CACNB4: variants seen among roughly 807,000 people sequenced by gnomAD.
The protein encoded by CACNB4 is voltage-dependent L-type calcium channel subunit beta-4.
A neutral mutation model predicts 71.2 loss-of-function variants in CACNB4; 32 were observed. That is an observed-to-expected ratio of 0.45 (90% CI 0.34 to 0.60). CACNB4 has a LOEUF of 0.60. Among genes scored for constraint, CACNB4 ranks in the 20% least tolerant of loss-of-function variants. The probability of loss-of-function intolerance (pLI) is 0.01; values close to 1 mark genes in which losing one functional copy is unlikely to be tolerated. For synonymous variants in CACNB4, 231 were observed against 236.9 expected (o/e 0.97, Z 0.23); for missense variants, 464 against 647.9 (o/e 0.72, Z 3.08).
At chr2:151,868,856 G>A (rs1431425865) in intron 9 of CACNB4, 2 of 158,942 alleles carry the variant, frequency 1.3e-5, no homozygotes, top group African/African-American at 4.8e-5. Flanking sequence ...CTATACTCAT[G>A]AGAAATATTA....
At chr2:151,987,271 C>A (rs4664516) in intron 2 of CACNB4, among the ~76,000 whole-genome samples, 126,130 of 152,162 alleles carry the variant, frequency 0.83, 53,373 homozygotes, top group Middle Eastern at 0.94. Flanking sequence ...AACTTCAAAA[C>A]GTAAGTCTTA....
At chr2:152,070,781 A>G (rs1361619961) in intron 2 of CACNB4, among the ~76,000 whole-genome samples, 1 of 152,152 alleles carries the variant, frequency 6.6e-6, no homozygotes, top group African/African-American at 2.4e-5. Flanking sequence ...ATGCTTTTTT[A>G]TTTTGAGGCA....
chr2:151,889,506 G>A (rs1248824244), intron 2 of CACNB4, among the ~76,000 whole-genome samples: 2 of 149,980 alleles, frequency 1.3e-5, no homozygotes, highest in Non-Finnish European at 3.0e-5. Context: ...AGTGGACTAA[G>A]CGATCATGGA....
chr2:151,902,287 T>A (rs181197683), intron 2 of CACNB4, among the ~76,000 whole-genome samples: 21 of 152,236 alleles, frequency 1.4e-4, no homozygotes, highest in African/African-American at 5.1e-4. Flanking sequence ...CCATTCAGCA[T>A]CCCAAAGTAT....
chr2:152,021,541 G>GA (rs1206877886), intron 2 of CACNB4, among the ~76,000 whole-genome samples: 3 of 152,142 alleles, frequency 2.0e-5, no homozygotes. Flanking sequence ...AAAACATGGT[G>GA]AAAAATCTCT....
At chr2:152,079,589 C>G (rs1687242591) in intron 2 of CACNB4, among the ~76,000 whole-genome samples, 1 of 151,726 alleles carries the variant, frequency 6.6e-6, no homozygotes, top group Non-Finnish European at 1.5e-5. Context: ...AGTTTGAGAC[C>G]AGCCTGGGCA....
intron 2 of CACNB4, among the ~76,000 whole-genome samples, chr2:151,966,570 C>T (rs187925779): frequency 2.6e-5 from 4 of 152,246 alleles, no homozygotes; most frequent in South Asian, 2.1e-4. Context: ...TGAGCCACTG[C>T]GCCCAGCCTC....
intron 4 of CACNB4, among the ~76,000 whole-genome samples, chr2:151,878,549 C>CCACACACACACACACACA (rs1188343035): frequency 3.5e-4 from 2 of 5,642 alleles, no homozygotes; most frequent in Non-Finnish European, 2.1e-3. Context: ...AAGACCCTGT[C>CCACACACACACACACACA]TACACACACA....
Position 151,855,378 on chromosome 2 carries a change from T to C in CACNB4, c.869-3A>G. ...TTCAATTTCACTTTGTACTTCCGCT[T>C]AAAGGAAAAATAATAAATAGATCCC... On this transcript the variant is annotated splice_region_variant and splice_polypyrimidine_tract_variant and intron_variant, in intron 10 of 13. Coordinates refer to ENST00000539935, the MANE Select transcript of CACNB4 (RefSeq NM_000726.5). 1 of 1,577,004 alleles carries C rather than the reference T, an allele frequency of 6.3e-7. No homozygotes were observed. Among genetic ancestry groups the C allele is most frequent in the Non-Finnish European group, 8.7e-7 (1 of 1,151,092 alleles).
chr2:152,099,050 G>A (rs1227343070), upstream of CACNB4: 1 of 1,431,610 alleles, frequency 7.0e-7, no homozygotes, highest in African/African-American at 1.5e-5. Context: ...TGTGCGGTGG[G>A]CGGAGGGGGC....
At chr2:152,060,085 C>T (rs918539901) in intron 2 of CACNB4, among the ~76,000 whole-genome samples, 1 of 152,214 alleles carries the variant, frequency 6.6e-6, no homozygotes, top group Admixed American at 6.5e-5. Flanking sequence ...GTCAATTAAA[C>T]CTCTTTCCTT....
chr2:151,853,448 TG>T lies in CACNB4; in HGVS notation c.1115del (p.Pro372GlnfsTer20). ...VAADKLAQCP[P>X]EMFDVILDEN... ...GAAGACAAAAAATGATCATACTTAC[TG>T]GGGGGCATTGTGCAAGTTTATCAGC... On this transcript the variant is annotated frameshift_variant and splice_region_variant, in exon 12 of 14. Coordinates refer to ENST00000539935, the MANE Select transcript of CACNB4 (RefSeq NM_000726.5). LOFTEE classifies it high-confidence loss of function. 1.3e-6 allele frequency: 2 copies of T among 1,577,642 alleles called. No individual in the cohort carries two copies. Among genetic ancestry groups the T allele is most frequent in the Non-Finnish European group, 1.7e-6 (2 of 1,158,104 alleles).
intron 2 of CACNB4, among the ~76,000 whole-genome samples, chr2:151,906,166 C>G (rs2099854763): frequency 6.6e-6 from 1 of 152,204 alleles, no homozygotes; most frequent in Admixed American, 6.5e-5. Context: ...ACAGAAATTA[C>G]TCAGTTGAAT....
chr2:152,079,761 G>A (rs1374249279), intron 2 of CACNB4, among the ~76,000 whole-genome samples: 2 of 152,022 alleles, frequency 1.3e-5, no homozygotes. Flanking sequence ...GCTCCAGCCT[G>A]GGTAACAGAG....
Position 151,853,724 on chromosome 2 carries a change from G to A in CACNB4, c.1021-181C>T, listed in dbSNP as rs1395613241. On this transcript the variant is annotated intron_variant, in intron 11 of 13. Coordinates refer to ENST00000539935, the MANE Select transcript of CACNB4 (RefSeq NM_000726.5). ...TGCTTACATTGGCTCTCAGTTCCAT[G>A]GATTTGATATGTTCATCCTATTCTA... The A allele has an allele frequency of 1.0e-5, 5 of 486,302 alleles. No individual in the cohort carries two copies. In the South Asian group the frequency reaches 1.1e-4, roughly 10 times the overall value. The allele number at this position is 486,302 out of a possible 1,614,324, so 30.1% of individuals were successfully genotyped here.
intron 2 of CACNB4, among the ~76,000 whole-genome samples, chr2:151,988,933 G>A (rs960389143): frequency 6.6e-6 from 1 of 152,102 alleles, no homozygotes; most frequent in African/African-American, 2.4e-5. Context: ...ATCCACAAAA[G>A]TCTTCACCAA....
chr2:151,869,544 T>A (rs896325739), intron 8 of CACNB4: 5 of 249,760 alleles, frequency 2.0e-5, no homozygotes, highest in South Asian at 2.4e-4. Context: ...ACAGGCTGGC[T>A]TTGTACACAG....
chr2:151,919,206 G>A (rs1454395112), intron 2 of CACNB4, among the ~76,000 whole-genome samples: 1 of 152,152 alleles, frequency 6.6e-6, no homozygotes, highest in Non-Finnish European at 1.5e-5. Context: ...AAAGAGGGAT[G>A]GCATGAGGAT....
intron 13 of CACNB4, among the ~76,000 whole-genome samples, chr2:151,840,402 G>A (rs1485966658): frequency 6.6e-6 from 1 of 152,230 alleles, no homozygotes; most frequent in African/African-American, 2.4e-5. Context: ...TGTCTTAGCA[G>A]TGATGAGTCA....
Sources: gnomAD v4.1 joint callset for allele counts (sites outside exome capture counted in the v4.1 genomes callset) on GRCh38, gnomAD v4.1.1 for gene constraint, MANE v1.5 for transcripts, NCBI Gene and HGNC (gene_info 2026-07-23, HGNC 2026-07-21) for gene names.